PTK2: variants seen among roughly 807,000 people sequenced by gnomAD.
PTK2 encodes protein tyrosine kinase 2, also known as focal adhesion kinase 1.
PTK2 carries 45 observed loss-of-function variants against 150.1 expected under a neutral mutation model. The observed-to-expected ratio is 0.30, with a 90% CI of 0.24 to 0.38. PTK2 has a LOEUF of 0.38. Among genes scored for constraint, PTK2 ranks in the 10% least tolerant of loss-of-function variants. PTK2 has a pLI of 1.00. For synonymous variants in PTK2, 432 were observed against 449.2 expected, an observed-to-expected ratio of 0.96 and a Z score of 0.48; for missense variants, 919 against 1,307.3, an observed-to-expected ratio of 0.70 and a Z score of 4.58.
chr8:140,880,637 T>C (rs549926162), intron 3 of PTK2, among the ~76,000 whole-genome samples: 3 of 152,326 alleles, frequency 2.0e-5, no homozygotes, highest in East Asian at 1.9e-4. Flanking sequence ...TAGCAATTAA[T>C]TGAAGCTATA....
At chr8:140,927,975 A>AAAAAAAAAAAAAAAAAAAATATATAT in intron 1 of PTK2, among the ~76,000 whole-genome samples, 4 of 48,196 alleles carry the variant, frequency 8.3e-5, no homozygotes, top group South Asian at 1.0e-3. Flanking sequence ...AAAAAAAAAA[A>AAAAAAAAAAAAAAAAAAAATATATAT]ATATATATAT....
At chr8:140,717,567 A>G in intron 23 of PTK2, 31 bp downstream of exon 26, 2 of 1,531,104 alleles carry the variant, frequency 1.3e-6, no homozygotes, top group Non-Finnish European at 1.8e-6. Flanking sequence ...AGTAAGAGTA[A>G]CCCCAAAGTT....
At chr8:140,660,852 T>A (rs779637764) in intron 31 of PTK2, among the ~76,000 whole-genome samples, 14 of 152,250 alleles carry the variant, frequency 9.2e-5, no homozygotes, top group Non-Finnish European at 1.6e-4. Flanking sequence ...CTTATCTGTT[T>A]CTTCAACCAG....
intron 12 of PTK2, chr8:140,799,160 G>GATAC (rs1252551025): frequency 6.6e-6 from 1 of 152,182 alleles, no homozygotes; most frequent in African/African-American, 2.4e-5. Flanking sequence ...CCTCTTTTGA[G>GATAC]ATACATAAAT....
intron 2 of PTK2, among the ~76,000 whole-genome samples, chr8:140,896,844 T>C (rs1172961278): frequency 1.3e-5 from 2 of 148,526 alleles, no homozygotes; most frequent in Non-Finnish European, 3.0e-5. Flanking sequence ...AAAACTATCA[T>C]TATTCATAAA....
chr8:140,736,692 G>C (rs938560706), intron 21 of PTK2, among the ~76,000 whole-genome samples: 1 of 152,078 alleles, frequency 6.6e-6, no homozygotes, highest in African/African-American at 2.4e-5. Flanking sequence ...TGGCTATTCT[G>C]GGCTTCTTGC....
intron 9 of PTK2, among the ~76,000 whole-genome samples, 178 bp downstream of exon 9, chr8:140,818,702 T>C (rs2154601736): frequency 6.6e-6 from 1 of 152,356 alleles, no homozygotes; most frequent in Non-Finnish European, 1.5e-5. Flanking sequence ...AAGGTGATTT[T>C]ATTCTCACAT....
rs183759137 is a variant in PTK2 at position 140,930,608 on chromosome 8, T to C, written c.-121-4859A>G. The stretch of plus-strand genomic sequence containing the variant: ...ATAACTTTCTAATTTTGAAACATTT[T>C]CTAATTTCTCTTTTGATTTTAGACT... On this transcript the variant is annotated intron_variant, in intron 1 of 31. Transcript: ENST00000522684. Among the ~76,000 whole-genome samples, 901 of 152,370 alleles carry C rather than the reference T, an allele frequency of 5.9e-3. 14 individuals are homozygous for C. The highest frequency in any genetic ancestry group is 0.02 in the African/African-American group (821 of 41,588).
chr8:140,806,697 G>A (rs1382348290), intron 10 of PTK2, among the ~76,000 whole-genome samples: 1 of 152,074 alleles, frequency 6.6e-6, no homozygotes, highest in African/African-American at 2.4e-5. Context: ...CCAATTAAAA[G>A]TCCTTACTAA....
At chr8:140,741,703 C>G (rs747467241) in intron 20 of PTK2, among the ~76,000 whole-genome samples, 1 of 152,130 alleles carries the variant, frequency 6.6e-6, no homozygotes, top group Non-Finnish European at 1.5e-5. Flanking sequence ...ATGGATTTAT[C>G]TAAACCTTAG....
intron 2 of PTK2, chr8:140,892,637 A>T (rs1221597796): frequency 8.5e-6 from 2 of 235,820 alleles, no homozygotes; most frequent in East Asian, 2.4e-4. Flanking sequence ...CCAATTAGTT[A>T]AAAAAAAAAA....
intron 4 of PTK2, among the ~76,000 whole-genome samples, chr8:140,876,688 T>C (rs1229343014): frequency 1.3e-5 from 2 of 152,212 alleles, no homozygotes; most frequent in Non-Finnish European, 2.9e-5. Flanking sequence ...ACATCATTCT[T>C]CATGTTACAT....
intron 16 of PTK2, among the ~76,000 whole-genome samples, chr8:140,759,465 T>C (rs1312025498): frequency 3.6e-5 from 5 of 140,644 alleles, no homozygotes; most frequent in Non-Finnish European, 7.5e-5. Flanking sequence ...GCCTGGGAGG[T>C]TGAGGCTGCA....
chr8:140,668,968 G>A (rs74964092), intron 29 of PTK2: 1 of 153,774 alleles, frequency 6.5e-6, no homozygotes, highest in Non-Finnish European at 1.4e-5. Flanking sequence ...GATAGCATCT[G>A]TTTGCAGGTC....
intron 12 of PTK2, chr8:140,799,280 G>C (rs1362550943): frequency 6.6e-6 from 1 of 152,282 alleles, no homozygotes; most frequent in Non-Finnish European, 1.5e-5. Context: ...TTCCCTGCTG[G>C]GCAAGGCTGG....
intron 10 of PTK2, among the ~76,000 whole-genome samples, chr8:140,815,328 T>C (rs1343419426): frequency 2.0e-5 from 3 of 151,980 alleles, no homozygotes; most frequent in Non-Finnish European, 4.4e-5. Context: ...AAATACTGCA[T>C]CTTTTAGCTC....
At chr8:140,833,733 T>C (rs1442852826) in intron 7 of PTK2, among the ~76,000 whole-genome samples, 1 of 152,242 alleles carries the variant, frequency 6.6e-6, no homozygotes, top group African/African-American at 2.4e-5. Context: ...ACCTTTATCA[T>C]ACAATAATTC....
At chr8:140,843,084 T>C (rs2100123264) in intron 7 of PTK2, among the ~76,000 whole-genome samples, 1 of 152,148 alleles carries the variant, frequency 6.6e-6, no homozygotes, top group African/African-American at 2.4e-5. Flanking sequence ...AAGCCCTAAG[T>C]TGTCCTCTTC....
At chr8:140,924,919 A>T (rs1000161729) in intron 2 of PTK2, among the ~76,000 whole-genome samples, 1 of 152,218 alleles carries the variant, frequency 6.6e-6, no homozygotes, top group Non-Finnish European at 1.5e-5. Flanking sequence ...TGTTATAAGC[A>T]AGATCAGTAA....
Sources: allele counts gnomAD v4.1 joint callset (sites outside exome capture counted in the v4.1 genomes callset), GRCh38; gene constraint gnomAD v4.1.1; transcripts MANE v1.5; gene names NCBI Gene and HGNC (gene_info 2026-07-23, HGNC 2026-07-21).